KCNIP4: variants seen among roughly 807,000 people sequenced by gnomAD.
KCNIP4 encodes Kv channel-interacting protein 4.
Under a neutral mutation model 34.0 loss-of-function variants are expected in KCNIP4, and 12 were observed. The observed-to-expected ratio is 0.35, with a 90% CI of 0.23 to 0.57. The LOEUF is 0.57. Among genes scored for constraint, KCNIP4 ranks in the 20% least tolerant of loss-of-function variants. KCNIP4 has a pLI of 0.83. For synonymous variants in KCNIP4, 124 were observed against 102.2 expected (o/e 1.21, Z -1.29); for missense variants, 238 against 311.7 (o/e 0.76, Z 1.78).
chr4:20,874,069 C>A (rs967228582), intron 2 of KCNIP4, among the ~76,000 whole-genome samples: 2 of 152,142 alleles, frequency 1.3e-5, no homozygotes, highest in African/African-American at 4.8e-5. Context: ...GCAAAAACAG[C>A]CAACATTTAG....
At chr4:21,803,163 A>G (rs919652278) in intron 1 of KCNIP4, among the ~76,000 whole-genome samples, 1 of 152,214 alleles carries the variant, frequency 6.6e-6, no homozygotes, top group African/African-American at 2.4e-5. Flanking sequence ...TAAACGTGCC[A>G]TGCATCAAGC....
At chr4:21,418,329 A>C (rs1725150364) in intron 1 of KCNIP4, among the ~76,000 whole-genome samples, 1 of 152,130 alleles carries the variant, frequency 6.6e-6, no homozygotes, top group Middle Eastern at 3.2e-3. Context: ...GTATTGTACC[A>C]TTAAAAAAGG....
rs192478446 is a variant in KCNIP4, at chr4:20,998,381, C to T, written c.62-115672G>A. 4.6e-5 allele frequency among the ~76,000 whole-genome samples: 7 copies of T among 152,286 alleles called. No individual in the cohort carries two copies. The East Asian group carries it at 1.4e-3, about 29-fold the overall frequency. On this transcript the variant is annotated intron_variant, in intron 1 of 8. Coordinates refer to ENST00000382152, the MANE Select transcript of KCNIP4 (RefSeq NM_025221.6). ...CAGGGGCCATTTCTATGTGTGTGTACATGTCCAGAGGACTGAAGGGCAGGG... is the reference window on the plus strand; with the variant it reads ...CAGGGGCCATTTCTATGTGTGTGTATATGTCCAGAGGACTGAAGGGCAGGG...
At chr4:21,064,770 T>C (rs28675936) in intron 1 of KCNIP4, among the ~76,000 whole-genome samples, 3,546 of 152,196 alleles carry the variant, frequency 0.023, 126 homozygotes, top group African/African-American at 0.08. Flanking sequence ...ATTCACATGT[T>C]TCTGGGACCT....
intron 8 of KCNIP4, among the ~76,000 whole-genome samples, chr4:20,730,554 A>C (rs1747816815): frequency 6.6e-6 from 1 of 152,178 alleles, no homozygotes; most frequent in Non-Finnish European, 1.5e-5. Flanking sequence ...CCAGCAGTTC[A>C]TGAAGATTGG....
chr4:21,512,493 C>CA lies in KCNIP4; in HGVS notation c.61+436077dup, dbSNP rs545020423. On this transcript the variant is annotated intron_variant, in intron 1 of 8. Coordinates refer to ENST00000382152, the MANE Select transcript of KCNIP4 (RefSeq NM_025221.6). ...ACAATTGCTCCTTGGTAAAAGATGACAAAAAAAAAATCTAAGAAACTTATG... is the reference window on the plus strand; with the variant it reads ...ACAATTGCTCCTTGGTAAAAGATGACAAAAAAAAAAATCTAAGAAACTTATG... Among the ~76,000 whole-genome samples the CA allele has an allele frequency of 2.7e-3, 400 of 147,812 alleles. 2 individuals carry two copies. Among genetic ancestry groups the CA allele is most frequent in the African/African-American group, 6.5e-3 (263 of 40,418 alleles).
At chr4:21,645,147 C>A (rs1051694909) in intron 1 of KCNIP4, among the ~76,000 whole-genome samples, 11 of 152,208 alleles carry the variant, frequency 7.2e-5, no homozygotes, top group East Asian at 5.8e-4. Flanking sequence ...AAATAAAATT[C>A]ATTCCAGTAT....
intron 1 of KCNIP4, among the ~76,000 whole-genome samples, chr4:21,871,117 T>C (rs1408789478): frequency 1.3e-5 from 2 of 151,854 alleles, no homozygotes; most frequent in East Asian, 1.9e-4. Context: ...TTTTTTTTTT[T>C]AATACTTTAA....
chr4:21,461,282 T>C (rs1729442075), intron 1 of KCNIP4, among the ~76,000 whole-genome samples: 2 of 152,016 alleles, frequency 1.3e-5, no homozygotes, highest in South Asian at 4.1e-4. Context: ...TCTGCCATGA[T>C]TGTAAGTTTC....
chr4:20,908,068 C>T (rs1727955908), intron 1 of KCNIP4, among the ~76,000 whole-genome samples: 1 of 149,784 alleles, frequency 6.7e-6, no homozygotes, highest in Non-Finnish European at 1.5e-5. Context: ...TACCTGTCCT[C>T]CTATCTCTAT....
intron 1 of KCNIP4, among the ~76,000 whole-genome samples, chr4:21,352,517 C>T (rs982855057): frequency 6.6e-6 from 1 of 152,242 alleles, no homozygotes; most frequent in Admixed American, 6.5e-5. Context: ...CGTAGCCTTG[C>T]TCACTGCTAG....
In KCNIP4 at chr4:20,732,027, C is replaced by T. The variant is rs772423801; in HGVS notation, c.684G>A (p.Glu228=). Residue 228 remains glutamate, a synonymous_variant, in exon 8 of 9, where the codon GAG becomes GAA. Transcript: ENST00000382152. ...TTACTTTTTGGCAGCTTTCAATGAA[C>T]TCATCTATGGTAACAACCCCATCTT... is the stretch of plus-strand genomic sequence containing the variant. ...KNKDGVVTID[E]FIESCQKDEN... is the part of the protein sequence containing the mutation. The T allele has an allele frequency of 2.2e-5, 36 of 1,613,382 alleles. No individual in the cohort carries two copies. The Admixed American group carries it at 4.7e-4, about 21-fold the overall frequency.
chr4:21,101,199 G>C (rs1208749818), intron 1 of KCNIP4, among the ~76,000 whole-genome samples: 1 of 152,150 alleles, frequency 6.6e-6, no homozygotes, highest in Non-Finnish European at 1.5e-5. Flanking sequence ...CCACTTATAA[G>C]TGAGAATATG....
At chr4:21,283,657 G>T (rs186517077) in intron 1 of KCNIP4, among the ~76,000 whole-genome samples, 4 of 102,552 alleles carry the variant, frequency 3.9e-5, no homozygotes, top group African/African-American at 1.5e-4. Flanking sequence ...TCATGGGGAG[G>T]GGGGAGGGGG....
chr4:21,679,977 G>T (rs1410145254), intron 1 of KCNIP4, among the ~76,000 whole-genome samples: 2 of 152,206 alleles, frequency 1.3e-5, no homozygotes, highest in Admixed American at 1.3e-4. Flanking sequence ...GGTGGCTGCT[G>T]AAGTTTGAGG....
rs529320439 is a variant in KCNIP4 at position 21,379,702 on chromosome 4, T to A, written c.62-496993A>T. On this transcript the variant is annotated intron_variant, in intron 1 of 8. Transcript: ENST00000382152. ...AATAGATGGCAAATAATTATTTAAA[T>A]CCTTCATCCTTCAAGAAACAGTTCC... Among the ~76,000 whole-genome samples, 5 of 152,304 alleles carry A rather than the reference T, an allele frequency of 3.3e-5. No individual in the cohort carries two copies. The East Asian group carries it at 7.7e-4, about 24-fold the overall frequency.
At chr4:21,836,980 C>T (rs1014351495) in intron 1 of KCNIP4, among the ~76,000 whole-genome samples, 9 of 142,008 alleles carry the variant, frequency 6.3e-5, no homozygotes, top group African/African-American at 2.2e-4. Context: ...TGCAGTGGCA[C>T]GATCTCGGCT....
intron 1 of KCNIP4, among the ~76,000 whole-genome samples, chr4:21,245,112 T>C (rs1015848115): frequency 6.6e-6 from 1 of 152,202 alleles, no homozygotes; most frequent in African/African-American, 2.4e-5. Context: ...TTATCAGCTA[T>C]TTGACCTAGG....
At chr4:21,394,635 C>T (rs948230099) in intron 1 of KCNIP4, among the ~76,000 whole-genome samples, 1 of 152,090 alleles carries the variant, frequency 6.6e-6, no homozygotes, top group Non-Finnish European at 1.5e-5. Flanking sequence ...GCAATATACA[C>T]TGGGAAACTG....
Sources: gnomAD v4.1 joint callset for allele counts (sites outside exome capture counted in the v4.1 genomes callset) on GRCh38, gnomAD v4.1.1 for gene constraint, MANE v1.5 for transcripts, NCBI Gene and HGNC (gene_info 2026-07-23, HGNC 2026-07-21) for gene names.